Variants in PDSS1 observed in about 807,000 individuals in gnomAD.
PDSS1 encodes all trans-polyprenyl-diphosphate synthase PDSS1.
In PDSS1, 43 loss-of-function variants were observed where a neutral mutation model predicts 57.5. The ratio of observed to expected loss-of-function variants is 0.75; its 90% CI spans 0.59 to 0.96. PDSS1 has a LOEUF of 0.96. PDSS1 is among the 50% of genes least tolerant of loss of function. PDSS1 has a pLI of 0.00. For missense variants in PDSS1, 438 were observed against 527.8 expected, an observed-to-expected ratio of 0.83 and a Z score of 1.67; for synonymous variants, 175 against 191.3, an observed-to-expected ratio of 0.91 and a Z score of 0.70.
At position 26,735,521 on chromosome 10, in the gene PDSS1, C is replaced by A; in HGVS notation, c.968C>A (p.Thr323Lys). The A allele has an allele frequency of 6.2e-7, 1 of 1,614,078 alleles. No homozygotes were observed. The highest frequency in any genetic ancestry group is 8.5e-7 in the Non-Finnish European group (1 of 1,179,938). The change falls in exon 10 of 12, where the codon ACA becomes AAA. Residue 323 changes from threonine to lysine, a missense_variant. This residue lies in a region of PDSS1 where 284 missense variants were observed against 390.7 expected (regional missense o/e 0.73). Coordinates refer to ENST00000376215, the MANE Select transcript of PDSS1 (RefSeq NM_014317.5). ...TGTTCTGACCAGATGGGCAAACCAA[C>A]ATCAGCTGATCTGAAGCTCGGGTTA... ...TSCSDQMGKPTSADLKLGLAT... is the reference protein window; with the variant it reads ...TSCSDQMGKPKSADLKLGLAT...
intron 11 of PDSS1, among the ~76,000 whole-genome samples, chr10:26,743,112 T>C (rs1341971084): frequency 1.3e-5 from 2 of 152,270 alleles, no homozygotes; most frequent in East Asian, 1.9e-4. Context: ...TACATTTATA[T>C]AAATGTTTTT....
chr10:26,723,718 G>A (rs1835859343), intron 6 of PDSS1, 88 bp from the exon 7 acceptor site: 15 of 896,808 alleles, frequency 1.7e-5, no homozygotes, highest in Non-Finnish European at 2.7e-5. Context: ...CCACTTCCAC[G>A]AAGCTCCCTT....
intron 4 of PDSS1, among the ~76,000 whole-genome samples, chr10:26,706,326 T>C (rs11015237): frequency 0.19 from 29,166 of 152,154 alleles, 3,735 homozygotes; most frequent in East Asian, 0.55. Flanking sequence ...CCTAGCACTT[T>C]GAGAGGACAC....
At chr10:26,699,397 CTTT>C (rs760230667) in intron 1 of PDSS1, among the ~76,000 whole-genome samples, 7 of 136,748 alleles carry the variant, frequency 5.1e-5, no homozygotes, top group Non-Finnish European at 4.6e-5. Flanking sequence ...TCTTCTTCTT[CTTT>C]TTTTTTTTTT....
chr10:26,699,456 G>A (rs1216858203), intron 1 of PDSS1, among the ~76,000 whole-genome samples: 4 of 150,488 alleles, frequency 2.7e-5, no homozygotes, highest in South Asian at 4.2e-4. Flanking sequence ...GTGCAGTGGC[G>A]GAATCTCGGC....
At chr10:26,714,636 A>G (rs538111888) in intron 5 of PDSS1, 19 of 152,336 alleles carry the variant, frequency 1.2e-4, no homozygotes, top group African/African-American at 4.6e-4. Context: ...TGGCACCTGG[A>G]TCTTGGCACC....
chr10:26,724,044 A>G lies in PDSS1; in HGVS notation c.752A>G (p.Asn251Ser). The G allele has an allele frequency of 6.2e-7, 1 of 1,614,002 alleles. No homozygotes were observed. The highest frequency in any genetic ancestry group is 2.2e-5 in the East Asian group (1 of 44,886). ...TTTCTTCAGCTCGGGTCAAAAGAAA[A>G]TGAGAATGAAAGATTTGCACACTAC... The part of the protein sequence containing the change: ...GEFLQLGSKE[N>S]ENERFAHYLE... Residue 251 changes from asparagine (N) to serine (S), a missense_variant, in exon 8 of 12, where the codon AAT becomes AGT. Physicochemically the swap from Asn to Ser is conservative, Grantham distance 46 (BLOSUM62 1). Coordinates refer to ENST00000376215, the MANE Select transcript of PDSS1 (RefSeq NM_014317.5).
intron 5 of PDSS1, among the ~76,000 whole-genome samples, chr10:26,718,325 G>A (rs746469463): frequency 2.0e-5 from 3 of 152,032 alleles, no homozygotes; most frequent in Non-Finnish European, 4.4e-5. Flanking sequence ...TTACAGGCAG[G>A]AACCTGTAAC....
intron 6 of PDSS1, among the ~76,000 whole-genome samples, chr10:26,722,983 A>C (rs1246548651): frequency 2.0e-5 from 3 of 151,840 alleles, no homozygotes; most frequent in Non-Finnish European, 4.4e-5. Context: ...CTTTGGTTTA[A>C]TTTTTATTGA....
chr10:26,713,570 G>A (rs1349047716), intron 5 of PDSS1, among the ~76,000 whole-genome samples: 2 of 151,954 alleles, frequency 1.3e-5, no homozygotes, highest in Non-Finnish European at 2.9e-5. Flanking sequence ...TGGATTTTTT[G>A]GGGAAGGATT....
chr10:26,700,344 C>T (rs1457263572), intron 1 of PDSS1, among the ~76,000 whole-genome samples: 1 of 151,510 alleles, frequency 6.6e-6, no homozygotes, highest in African/African-American at 2.4e-5. Context: ...TGGCTCACGC[C>T]TGTAATCCCA....
At chr10:26,741,274 C>T (rs1836594627) in intron 10 of PDSS1, among the ~76,000 whole-genome samples, 1 of 152,118 alleles carries the variant, frequency 6.6e-6, no homozygotes, top group African/African-American at 2.4e-5. Context: ...CACCTGAGGT[C>T]AGGAGTTTGA....
At chr10:26,706,814 G>A (rs1835237490) in intron 4 of PDSS1, among the ~76,000 whole-genome samples, 1 of 152,182 alleles carries the variant, frequency 6.6e-6, no homozygotes, top group South Asian at 2.1e-4. Flanking sequence ...GTTACCAGCA[G>A]CAAATTTGTA....
intron 5 of PDSS1, among the ~76,000 whole-genome samples, chr10:26,719,555 G>T (rs1011071787): frequency 6.6e-6 from 1 of 152,200 alleles, no homozygotes; most frequent in African/African-American, 2.4e-5. Context: ...ATCACTTGAG[G>T]TCAGGAGTTC....
In PDSS1 at chr10:26,746,638, G is replaced by A; in HGVS notation, c.*165G>A. Reference sequence around the variant, plus strand: ...TTTTTTTATTGCAAAAGTTTTTTCAGAAAACTTTTTAAATGTAATTAATAA... The same window carrying A: ...TTTTTTTATTGCAAAAGTTTTTTCAAAAAACTTTTTAAATGTAATTAATAA... On this transcript the variant is annotated 3_prime_UTR_variant, in exon 12 of 12. Coordinates refer to ENST00000376215, the MANE Select transcript of PDSS1 (RefSeq NM_014317.5). 1.4e-6 allele frequency: 1 copy of A among 696,808 alleles called. No individual in the cohort carries two copies. Among genetic ancestry groups the A allele is most frequent in the South Asian group, 1.7e-5 (1 of 57,226 alleles). 43.2% of individuals were successfully genotyped at this position (696,808 alleles called of 1,614,324 possible).
chr10:26,724,679 G>T (rs1835897443), intron 8 of PDSS1, among the ~76,000 whole-genome samples: 1 of 152,184 alleles, frequency 6.6e-6, no homozygotes, highest in South Asian at 2.1e-4. Flanking sequence ...CCAGGTTCAG[G>T]CAATTCTCCT....
At chr10:26,726,357 G>T (rs1462063761) in intron 8 of PDSS1, among the ~76,000 whole-genome samples, 1 of 152,216 alleles carries the variant, frequency 6.6e-6, no homozygotes, top group East Asian at 1.9e-4. Context: ...AAACTCCACA[G>T]CTCTTAGAAT....
chr10:26,741,418 GGTT>G (rs1836601407), intron 10 of PDSS1, among the ~76,000 whole-genome samples: 1 of 152,128 alleles, frequency 6.6e-6, no homozygotes, highest in Non-Finnish European at 1.5e-5. Flanking sequence ...GGGAGGCAGA[GGTT>G]GTGGTGAGCC....
chr10:26,746,751 C>A lies in PDSS1; in HGVS notation c.*278C>A. The A allele has an allele frequency of 2.2e-6, 1 of 453,268 alleles. No homozygotes were observed. The highest frequency in any genetic ancestry group is 4.1e-6 in the Non-Finnish European group (1 of 244,836). The allele number at this position is 453,268 out of a possible 1,614,324, so 28.1% of individuals were successfully genotyped here. ...TGGTATTGTTTACACTGTTAATATC[C>A]ACATGTAAGGCCATTACACAAATAA... On this transcript the variant is annotated 3_prime_UTR_variant, in exon 12 of 12. Transcript: ENST00000376215.
Sources: allele counts gnomAD v4.1 joint callset (sites outside exome capture counted in the v4.1 genomes callset), GRCh38; gene constraint gnomAD v4.1.1; regional missense constraint gnomAD v4.1.1; transcripts MANE v1.5; gene names NCBI Gene and HGNC (gene_info 2026-07-23, HGNC 2026-07-21).